Variants in CACNA1C observed in about 807,000 individuals in gnomAD.
The protein encoded by CACNA1C is voltage-dependent L-type calcium channel subunit alpha-1C.
Under a neutral mutation model 229.0 loss-of-function variants are expected in CACNA1C, and 30 were observed. The ratio of observed to expected loss-of-function variants is 0.13; its 90% confidence interval spans 0.10 to 0.18. The LOEUF (loss-of-function observed/expected upper bound fraction) is 0.18. CACNA1C is among the 10% of genes least tolerant of loss of function. The probability of loss-of-function intolerance (pLI) is 1.00; values close to 1 mark genes in which losing one functional copy is unlikely to be tolerated. For synonymous variants in CACNA1C, 1,114 were observed against 1,132.5 expected, an observed-to-expected ratio of 0.98 and a Z score of 0.33; for missense variants, 1,658 against 2,845.0, an observed-to-expected ratio of 0.58 and a Z score of 9.49.
intron 3 of CACNA1C, among the ~76,000 whole-genome samples, chr12:2,283,673 G>C (rs2092016240): frequency 6.6e-6 from 1 of 152,208 alleles, no homozygotes; most frequent in African/African-American, 2.4e-5. Context: ...AGGGAATCCT[G>C]TGAAAATGCA....
chr12:2,164,494 A>G (rs558718338), intron 3 of CACNA1C, among the ~76,000 whole-genome samples: 1 of 152,098 alleles, frequency 6.6e-6, no homozygotes, highest in Non-Finnish European at 1.5e-5. Context: ...CTAATTGTAG[A>G]CTAAGCCGAA....
At chr12:2,042,810 G>T (rs7970196) in intron 1 of CACNA1C, among the ~76,000 whole-genome samples, 7,676 of 152,250 alleles carry the variant, frequency 0.05, 267 homozygotes, top group Middle Eastern at 0.078. Flanking sequence ...ATTAAATCAT[G>T]ACTTGTACAC....
intron 1 of CACNA1C, among the ~76,000 whole-genome samples, chr12:2,093,232 T>A (rs2072130091): frequency 6.6e-6 from 1 of 152,172 alleles, no homozygotes; most frequent in African/African-American, 2.4e-5. Context: ...CAGTGGGGCC[T>A]CTCCTTCCCA....
At chr12:2,294,831 A>G (rs2093875804) in intron 3 of CACNA1C, among the ~76,000 whole-genome samples, 1 of 152,168 alleles carries the variant, frequency 6.6e-6, no homozygotes, top group Non-Finnish European at 1.5e-5. Context: ...ATCAAGCAAG[A>G]GAGTTGGCAG....
In CACNA1C at chr12:2,541,046, G is replaced by A. The variant is rs573644845; in HGVS notation, c.1391-8897G>A. On this transcript the variant is annotated intron_variant, in intron 9 of 46. Transcript: ENST00000399655. ...TGTCTTGTCTCTGAGTCTTCACATC[G>A]TCTTCCCTCTGTACCTGTCAGTGGC... 7.9e-5 allele frequency among the ~76,000 whole-genome samples: 12 copies of A among 152,214 alleles called. No homozygotes were observed. The East Asian group carries it at 2.1e-3, about 27-fold the overall frequency.
chr12:2,430,256 G>A (rs1457200146), intron 3 of CACNA1C, among the ~76,000 whole-genome samples: 1 of 152,128 alleles, frequency 6.6e-6, no homozygotes, highest in East Asian at 1.9e-4. Flanking sequence ...GGAATTTGGG[G>A]GAGGGAATCA....
Position 2,302,574 on chromosome 12 carries a change from G to A in CACNA1C, c.478-146402G>A, listed in dbSNP as rs556024517. The stretch of plus-strand genomic sequence containing the variant: ...GAGGGGAGTGTCCTCCGGGCCCCTC[G>A]GATGCTCCACCAGTGAGCCAGGGCT... On this transcript the variant is annotated intron_variant, in intron 3 of 46. Transcript: ENST00000399655. 5.3e-5 allele frequency among the ~76,000 whole-genome samples: 8 copies of A among 152,102 alleles called. No homozygotes were observed. The East Asian group carries it at 9.7e-4, about 18-fold the overall frequency.
chr12:2,681,713 A>G (rs1569237412), intron 42 of CACNA1C, among the ~76,000 whole-genome samples: 1 of 151,986 alleles, frequency 6.6e-6, no homozygotes, highest in African/African-American at 2.4e-5. Context: ...TCCTCGAGAG[A>G]GAGAATTGCT....
intron 29 of CACNA1C, among the ~76,000 whole-genome samples, chr12:2,628,392 G>A (rs148767335): frequency 2.0e-3 from 303 of 152,296 alleles, no homozygotes; most frequent in African/African-American, 6.7e-3. Flanking sequence ...CCCAAACAGC[G>A]TCAGCCAGAT....
At chr12:2,171,338 G>A (rs1180209615) in intron 3 of CACNA1C, among the ~76,000 whole-genome samples, 1 of 152,116 alleles carries the variant, frequency 6.6e-6, no homozygotes, top group Admixed American at 6.5e-5. Context: ...CTCACAGATA[G>A]GAGGCTGGAG....
At chr12:2,299,341 G>A (rs552614802) in intron 3 of CACNA1C, among the ~76,000 whole-genome samples, 5 of 152,096 alleles carry the variant, frequency 3.3e-5, no homozygotes, top group African/African-American at 9.7e-5. Context: ...GAGGCCCACC[G>A]GGCTAAACTA....
intron 3 of CACNA1C, among the ~76,000 whole-genome samples, chr12:2,418,196 G>C (rs61907848): frequency 0.029 from 4,387 of 152,220 alleles, 108 homozygotes; most frequent in Non-Finnish European, 0.039. Flanking sequence ...GCTTCTCCTG[G>C]GCTGCGGGTG....
rs1220620193 is a variant in CACNA1C, at chr12:2,403,652, A to G, written c.478-45324A>G. Among the ~76,000 whole-genome samples, 1 of 152,144 alleles carries G rather than the reference A, an allele frequency of 6.6e-6. No individual in the cohort carries two copies. Among genetic ancestry groups the G allele is most frequent in the Non-Finnish European group, 1.5e-5 (1 of 68,042 alleles). On this transcript the variant is annotated intron_variant, in intron 3 of 46. Coordinates refer to ENST00000399655, the MANE Select transcript of CACNA1C (RefSeq NM_000719.7). This position sits in a 1 kb window ranked among gnomAD's most constrained non-coding sequence, Gnocchi z 4.1. ...TGACACTATATGATTAGGAAAGTAC[A>G]GTAAATAACAGATGAGAAGATGACT...
chr12:2,537,453 C>T (rs1360962808), intron 9 of CACNA1C, among the ~76,000 whole-genome samples: 1 of 152,114 alleles, frequency 6.6e-6, no homozygotes, highest in African/African-American at 2.4e-5. Flanking sequence ...GATTGAGAGA[C>T]TGAGCTTTGT....
At chr12:2,513,385 C>A (rs1375683543) in intron 9 of CACNA1C, among the ~76,000 whole-genome samples, 1 of 152,220 alleles carries the variant, frequency 6.6e-6, no homozygotes, top group Admixed American at 6.5e-5. Context: ...AACTTTATAC[C>A]TGCTCAGGAT....
chr12:2,538,557 C>T (rs1315847484), intron 9 of CACNA1C, among the ~76,000 whole-genome samples: 5 of 152,130 alleles, frequency 3.3e-5, no homozygotes, highest in Admixed American at 6.5e-5. Context: ...GTTCACCCTC[C>T]GGTTCAATTT....
At chr12:2,508,343 G>A (rs1368558805) in intron 8 of CACNA1C, among the ~76,000 whole-genome samples, 1 of 152,256 alleles carries the variant, frequency 6.6e-6, no homozygotes, top group East Asian at 1.9e-4. Flanking sequence ...ACTCCATAAA[G>A]CTTCCATTTA....
rs144122965 is a variant in CACNA1C, at chr12:2,067,481, TGCGC to T, written c.49+13874_49+13877del. Among the ~76,000 whole-genome samples, 32 of 140,774 alleles carry T rather than the reference TGCGC, an allele frequency of 2.3e-4. No homozygotes were observed. The highest frequency in any genetic ancestry group is 4.9e-4 in the African/African-American group (18 of 36,646). The allele number at this position is 140,774 out of a possible 152,430, so 92.4% of individuals were successfully genotyped here. A position where few individuals can be genotyped will look rare whatever the true frequency, so the allele number is the denominator to read the frequency against. ...GTGTGTGTGTGTGTGTGTGTGTGTG[TGCGC>T]GCGTGTGCGTGCCTGTATGTAAGGG... On this transcript the variant is annotated intron_variant, in intron 1 of 46. Transcript: ENST00000399655. The surrounding 1 kb of genome is among the most constrained non-coding windows in gnomAD (Gnocchi z 5.3).
chr12:2,549,005 G>A (rs1417218209), intron 9 of CACNA1C, among the ~76,000 whole-genome samples: 2 of 152,210 alleles, frequency 1.3e-5, no homozygotes, highest in Admixed American at 6.5e-5. Flanking sequence ...TAGTAAGAGA[G>A]TGTTGGAAGG....
Sources: allele counts gnomAD v4.1 joint callset (sites outside exome capture counted in the v4.1 genomes callset), GRCh38; gene constraint gnomAD v4.1.1; non-coding constraint Gnocchi (gnomAD v3.1); transcripts MANE v1.5; gene names NCBI Gene and HGNC (gene_info 2026-07-23, HGNC 2026-07-21).